Variants in ITGA9 observed in about 807,000 individuals in gnomAD.
ITGA9 encodes the protein integrin alpha-9.
ITGA9 carries 56 observed loss-of-function variants against 127.8 expected under a neutral mutation model. The observed-to-expected ratio is 0.44, with a 90% CI of 0.35 to 0.55. The LOEUF is 0.55. ITGA9 is among the 20% of genes least tolerant of loss of function. The probability of loss-of-function intolerance (pLI) is 0.00; values close to 1 mark genes in which losing one functional copy is unlikely to be tolerated. For synonymous variants in ITGA9, 508 were observed against 514.5 expected (o/e 0.99, Z 0.17); for missense variants, 1,196 against 1,347.1 (o/e 0.89, Z 1.76).
intron 18 of ITGA9, among the ~76,000 whole-genome samples, chr3:37,715,146 C>T (rs1032256286): frequency 6.6e-6 from 1 of 152,188 alleles, no homozygotes; most frequent in Admixed American, 6.5e-5. Flanking sequence ...TTAAGGGTCT[C>T]ATTCTGAGAG....
At position 37,466,662 on chromosome 3, in the gene ITGA9, A is replaced by G. The variant is rs113282739; in HGVS notation, c.186-4345A>G. On this transcript the variant is annotated intron_variant, in intron 1 of 27. Transcript: ENST00000264741. ...TTACATAGTACTTCTTAAACTATCA[A>G]TCACCTGGAGAGCTTGTTAAAATGC... is the stretch of plus-strand genomic sequence containing the variant. 5.9e-5 allele frequency among the ~76,000 whole-genome samples: 9 copies of G among 152,138 alleles called. No homozygotes were observed. In the South Asian group the frequency reaches 8.3e-4, roughly 14 times the overall value.
Position 37,736,995 on chromosome 3 carries a change from GT to G in ITGA9, c.2234+15del. ...GTTACTGCTCAGAGGTAAGGGGGGGGTTTAAACACTTTTTTCAAAGATGAGA... is the reference window on the plus strand; with the variant it reads ...GTTACTGCTCAGAGGTAAGGGGGGGGTTAAACACTTTTTTCAAAGATGAGA... On this transcript the variant is annotated intron_variant, in intron 20 of 27. Transcript: ENST00000264741. 1 of 1,557,388 alleles carries G rather than the reference GT, an allele frequency of 6.4e-7. No homozygotes were observed. The highest frequency in any genetic ancestry group is 8.9e-7 in the Non-Finnish European group (1 of 1,129,032).
At position 37,494,289 on chromosome 3, in the gene ITGA9, C is replaced by T. The variant is rs155529; in HGVS notation, c.545-212C>T. Among the ~76,000 whole-genome samples, 843 of 152,300 alleles carry T rather than the reference C, an allele frequency of 5.5e-3. 2 individuals carry two copies. Among genetic ancestry groups the T allele is most frequent in the Non-Finnish European group, 8.6e-3 (584 of 68,018 alleles). The stretch of plus-strand genomic sequence containing the variant: ...GGAGGAAGTCTGCTGGGGCACTGGG[C>T]AGCCTCCCTTCCCGATGGCACCAGA... On this transcript the variant is annotated intron_variant, in intron 4 of 27. Coordinates refer to ENST00000264741, the MANE Select transcript of ITGA9 (RefSeq NM_002207.3).
intron 23 of ITGA9, among the ~76,000 whole-genome samples, chr3:37,768,123 A>G (rs779080987): frequency 3.3e-4 from 50 of 152,170 alleles, no homozygotes; most frequent in Non-Finnish European, 6.8e-4. Context: ...TAATATTATT[A>G]TATTTTAGTC....
intron 1 of ITGA9, among the ~76,000 whole-genome samples, chr3:37,460,978 G>A (rs1210156200): frequency 6.6e-6 from 1 of 152,058 alleles, no homozygotes; most frequent in African/African-American, 2.4e-5. Flanking sequence ...GGCCACCTGG[G>A]AGATGGCCTT....
intron 22 of ITGA9, among the ~76,000 whole-genome samples, chr3:37,750,014 G>T (rs1696561447): frequency 6.6e-6 from 1 of 152,044 alleles, no homozygotes; most frequent in Non-Finnish European, 1.5e-5. Context: ...TAGACCTACT[G>T]AGTCAGAAAC....
chr3:37,488,319 G>C lies in ITGA9; in HGVS notation c.545-6182G>C, dbSNP rs534383621. Among the ~76,000 whole-genome samples the C allele has an allele frequency of 8.6e-5, 13 of 151,998 alleles. No homozygotes were observed. The South Asian group carries it at 1.7e-3, about 19-fold the overall frequency. Reference sequence around the variant, plus strand: ...TGAAATGTGACTGTCCCATGTTCAGGGTCACTTTTTTTTTTCTGAGAGTAG... The same window carrying C: ...TGAAATGTGACTGTCCCATGTTCAGCGTCACTTTTTTTTTTCTGAGAGTAG... On this transcript the variant is annotated intron_variant, in intron 4 of 27. Transcript: ENST00000264741.
Position 37,712,662 on chromosome 3 carries a change from G to C in ITGA9, c.2068-20050G>C, listed in dbSNP as rs572659728. Among the ~76,000 whole-genome samples, 319 of 152,190 alleles carry C rather than the reference G, an allele frequency of 2.1e-3. 1 individual carries two copies. The highest frequency in any genetic ancestry group is 7.4e-3 in the African/African-American group (307 of 41,520). On this transcript the variant is annotated intron_variant, in intron 18 of 27. Coordinates refer to ENST00000264741, the MANE Select transcript of ITGA9 (RefSeq NM_002207.3). Reference sequence around the variant, plus strand: ...AGCTTCTCTTCCTCCTTTTGGCTTCGTTCTCAAACAGGCTCTCTGTCCCTT... The same window carrying C: ...AGCTTCTCTTCCTCCTTTTGGCTTCCTTCTCAAACAGGCTCTCTGTCCCTT...
chr3:37,718,987 T>C (rs1354627231), intron 18 of ITGA9, among the ~76,000 whole-genome samples: 1 of 152,152 alleles, frequency 6.6e-6, no homozygotes, highest in African/African-American at 2.4e-5. Flanking sequence ...CCCAGGTGGT[T>C]CCAGTGCACA....
intron 15 of ITGA9, among the ~76,000 whole-genome samples, chr3:37,563,878 G>A (rs1388376617): frequency 6.6e-6 from 1 of 152,110 alleles, no homozygotes. Flanking sequence ...TCATTTTTAT[G>A]GGACAGTCCT....
intron 25 of ITGA9, among the ~76,000 whole-genome samples, chr3:37,782,516 C>T (rs1575235384): frequency 6.6e-6 from 1 of 152,206 alleles, no homozygotes; most frequent in Non-Finnish European, 1.5e-5. Context: ...GGCTCATTCT[C>T]CATGTGCCCT....
intron 6 of ITGA9, among the ~76,000 whole-genome samples, chr3:37,503,782 T>A (rs1466998246): frequency 5.3e-5 from 8 of 152,232 alleles, no homozygotes. Context: ...AAAATTTCTC[T>A]TGCTTTCTTA....
At chr3:37,575,203 A>G (rs1000502666) in intron 15 of ITGA9, among the ~76,000 whole-genome samples, 1 of 152,076 alleles carries the variant, frequency 6.6e-6, no homozygotes, top group Non-Finnish European at 1.5e-5. Flanking sequence ...GCTTGGCAGT[A>G]GCAGATTCTA....
intron 26 of ITGA9, among the ~76,000 whole-genome samples, chr3:37,803,035 C>T (rs1290186077): frequency 6.6e-6 from 1 of 152,196 alleles, no homozygotes; most frequent in Non-Finnish European, 1.5e-5. Context: ...AGACTGTGTC[C>T]TAACTCTAGT....
Position 37,629,303 on chromosome 3 carries a change from G to C in ITGA9, c.1806G>C (p.Trp602Cys). ...CGCCTCTGACACCAGTTCTCCGCTG[G>C]AAAAAGGGACAAAAGATTGCCCAAA... ...ELPPLTPVLR[W>C]KKGQKIAQKN... Residue 602 changes from tryptophan (W) to cysteine (C), a missense_variant, in exon 16 of 28, where the codon TGG becomes TGC. Transcript: ENST00000264741. This position sits in a 1 kb window ranked among gnomAD's most constrained non-coding sequence, Gnocchi z 4.5. 1 of 1,614,056 alleles carries C rather than the reference G, an allele frequency of 6.2e-7. No homozygotes were observed. Among genetic ancestry groups the C allele is most frequent in the Non-Finnish European group, 8.5e-7 (1 of 1,180,022 alleles).
chr3:37,588,094 A>C (rs1699775879), intron 15 of ITGA9, among the ~76,000 whole-genome samples: 1 of 152,232 alleles, frequency 6.6e-6, no homozygotes, highest in Admixed American at 6.5e-5. Flanking sequence ...ATCTGGATTC[A>C]TCCTGTCATT....
chr3:37,496,623 A>T (rs1221031743), intron 5 of ITGA9, among the ~76,000 whole-genome samples: 1 of 152,156 alleles, frequency 6.6e-6, no homozygotes, highest in Admixed American at 6.5e-5. Flanking sequence ...CCTTTTACAA[A>T]CAGGAAAAAT....
intron 15 of ITGA9, among the ~76,000 whole-genome samples, chr3:37,588,033 G>A (rs1699775540): frequency 6.6e-6 from 1 of 152,192 alleles, no homozygotes; most frequent in Non-Finnish European, 1.5e-5. Context: ...AGAGGGATCA[G>A]CTCTTGTTTC....
intron 13 of ITGA9, among the ~76,000 whole-genome samples, chr3:37,532,515 G>A (rs567227853): frequency 1.3e-5 from 2 of 152,346 alleles, no homozygotes; most frequent in African/African-American, 4.8e-5. Context: ...GTGAGGCCTG[G>A]AGGGGAGAAG....
Sources: gnomAD v4.1 joint callset for allele counts (sites outside exome capture counted in the v4.1 genomes callset) on GRCh38, gnomAD v4.1.1 for gene constraint, Gnocchi (gnomAD v3.1) non-coding constraint, MANE v1.5 for transcripts, NCBI Gene and HGNC (gene_info 2026-07-23, HGNC 2026-07-21) for gene names.